MAST3: variants seen among roughly 807,000 people sequenced by gnomAD.
MAST3 encodes the protein microtubule-associated serine/threonine-protein kinase 3.
A neutral mutation model predicts 127.0 loss-of-function variants in MAST3; 43 were observed. The ratio of observed to expected loss-of-function variants is 0.34; its 90% CI spans 0.27 to 0.44. The LOEUF (loss-of-function observed/expected upper bound fraction) is 0.44. MAST3 is among the 20% of genes least tolerant of loss of function. The pLI is 1.00. For synonymous variants in MAST3, 785 were observed against 809.2 expected, an observed-to-expected ratio of 0.97 and a Z score of 0.51; for missense variants, 1,390 against 1,919.1, an observed-to-expected ratio of 0.72 and a Z score of 5.15.
intron 1 of MAST3, among the ~76,000 whole-genome samples, chr19:18,100,837 A>G (rs1228154709): frequency 6.6e-6 from 1 of 152,128 alleles, no homozygotes. Context: ...AGCCAATCAG[A>G]TTTCCTGGAG....
intron 5 of MAST3, chr19:18,122,133 T>A: frequency 2.0e-6 from 2 of 983,336 alleles, no homozygotes; most frequent in Non-Finnish European, 2.4e-6. Context: ...GACAGGTAAT[T>A]TCAACCAGCC....
chr19:18,118,069 C>CT, intron 3 of MAST3: 2 of 984,660 alleles, frequency 2.0e-6, no homozygotes, highest in Non-Finnish European at 2.4e-6. Context: ...GTGCGCCCCC[C>CT]TCCCTGTCCG....
chr19:18,130,698 G>A lies in MAST3; in HGVS notation c.1428G>A (p.Val476=). The A allele has an allele frequency of 1.9e-6, 3 of 1,613,354 alleles. No individual in the cohort carries two copies. Among genetic ancestry groups the A allele is most frequent in the Non-Finnish European group, 2.5e-6 (3 of 1,179,640 alleles). The change falls in exon 14 of 28, where the codon GTG becomes GTA. Residue 476 remains valine, a synonymous_variant. Transcript: ENST00000687212. ...RRHLCMVMEY[V]EGGDCATLLK... ...ACCTATGTATGGTCATGGAATACGT[G>A]GAAGGTACGCTCACTGGGGCTTGCA...
chr19:18,108,280 ACT>A (rs1401221537), intron 2 of MAST3, among the ~76,000 whole-genome samples: 2 of 151,358 alleles, frequency 1.3e-5, no homozygotes, highest in African/African-American at 2.4e-5. Flanking sequence ...ACAGAGTGAG[ACT>A]CTGTCTAAAA....
chr19:18,110,170 GC>G lies in MAST3; in HGVS notation c.72-477del, dbSNP rs2038422282. On this transcript the variant is annotated intron_variant, in intron 2 of 27. Coordinates refer to ENST00000687212, the MANE Select transcript of MAST3 (RefSeq NM_001393504.1). The surrounding 1 kb of genome is among the most constrained non-coding windows in gnomAD (Gnocchi z 4.3). ...AGCCAGCCCGGCCCCCAGCGGCCCA[GC>G]CCCCGCGTCTAGTCTGCCGCACCAG... is the stretch of plus-strand genomic sequence containing the variant. 4.1e-6 allele frequency: 4 copies of G among 985,284 alleles called. No individual in the cohort carries two copies. The highest frequency in any genetic ancestry group is 4.8e-6 in the Non-Finnish European group (4 of 829,944). The allele number at this position is 985,284 out of a possible 1,614,324, so 61.0% of individuals were successfully genotyped here. A position where few individuals can be genotyped will look rare whatever the true frequency, so the allele number is the denominator to read the frequency against.
intron 2 of MAST3, among the ~76,000 whole-genome samples, chr19:18,108,751 G>T (rs1221233161): frequency 6.6e-6 from 1 of 152,168 alleles, no homozygotes; most frequent in Non-Finnish European, 1.5e-5. Flanking sequence ...GAAACCAAAG[G>T]CCGGGGTGGG....
chr19:18,103,241 T>TA (rs2037796263), intron 1 of MAST3, among the ~76,000 whole-genome samples: 2 of 152,006 alleles, frequency 1.3e-5, no homozygotes, highest in South Asian at 2.1e-4. Context: ...TCTGCCACTT[T>TA]AAAAAAACAT....
In MAST3 at chr19:18,145,605, A is replaced by G; in HGVS notation, c.3040-138A>G. 1 of 916,562 alleles carries G rather than the reference A, an allele frequency of 1.1e-6. No homozygotes were observed. Among genetic ancestry groups the G allele is most frequent in the Non-Finnish European group, 1.4e-6 (1 of 692,028 alleles). 56.8% of individuals were successfully genotyped at this position (916,562 alleles called of 1,614,324 possible). ...GCTGGGGCTTTGATGGGTGAGTAGG[A>G]GTTCCCCCAGGATCAGGGAAACTGA... On this transcript the variant is annotated intron_variant, in intron 24 of 27. Coordinates refer to ENST00000687212, the MANE Select transcript of MAST3 (RefSeq NM_001393504.1). This position sits in a 1 kb window ranked among gnomAD's most constrained non-coding sequence, Gnocchi z 5.9.
intron 13 of MAST3, among the ~76,000 whole-genome samples, 162 bp from the exon 14 acceptor site, chr19:18,130,332 G>A (rs1053158846): frequency 6.6e-6 from 1 of 152,246 alleles, no homozygotes; most frequent in Non-Finnish European, 1.5e-5. Flanking sequence ...ACCCAAAGGT[G>A]GCTGCTCTGG....
chr19:18,118,082 T>A (rs1439308214), intron 3 of MAST3: 8 of 985,028 alleles, frequency 8.1e-6, no homozygotes, highest in Non-Finnish European at 8.4e-6. Flanking sequence ...CCTGTCCGGC[T>A]CCGCGGGGCT....
chr19:18,121,560 G>A lies in MAST3; in HGVS notation c.162-125G>A, dbSNP rs1055979446. 1.4e-5 allele frequency: 11 copies of A among 804,544 alleles called. 1 individual carries two copies. The Admixed American group carries it at 1.7e-4, about 13-fold the overall frequency. 49.8% of individuals were successfully genotyped at this position (804,544 alleles called of 1,614,324 possible). A position where few individuals can be genotyped will look rare whatever the true frequency, so the allele number is the denominator to read the frequency against. On this transcript the variant is annotated intron_variant, in intron 3 of 27. Transcript: ENST00000687212. ...GGGGGAACCCAGCTGGGGGCAGAGT[G>A]GGAGTGGCCATGTCCAACATCCCAT... is the stretch of plus-strand genomic sequence containing the variant.
At position 18,130,489 on chromosome 19, in the gene MAST3, C is replaced by A; in HGVS notation, c.1224-5C>A. On this transcript the variant is annotated splice_region_variant and splice_polypyrimidine_tract_variant and intron_variant, in intron 13 of 27. Transcript: ENST00000687212. ...GTCCCAGCAAGCCTGGCCCTCTGTCCCCAGGGCCGTCTACCTGGTGCGGCA... is the reference window on the plus strand; with the variant it reads ...GTCCCAGCAAGCCTGGCCCTCTGTCACCAGGGCCGTCTACCTGGTGCGGCA... The A allele has an allele frequency of 6.3e-7, 1 of 1,588,928 alleles. No individual in the cohort carries two copies. Among genetic ancestry groups the A allele is most frequent in the Non-Finnish European group, 8.6e-7 (1 of 1,167,368 alleles).
At chr19:18,109,080 C>G (rs2038296700) in intron 2 of MAST3, among the ~76,000 whole-genome samples, 1 of 152,110 alleles carries the variant, frequency 6.6e-6, no homozygotes, top group South Asian at 2.1e-4. Flanking sequence ...GAGGAGCTGG[C>G]AGCGGGGAAG....
At chr19:18,118,079 G>A in intron 3 of MAST3, 1 of 985,194 alleles carries the variant, frequency 1.0e-6, no homozygotes, top group South Asian at 4.7e-5. Flanking sequence ...CTCCCTGTCC[G>A]GCTCCGCGGG....
Position 18,123,988 on chromosome 19 carries a change from C to G in MAST3, c.683C>G (p.Ala228Gly). The part of the protein sequence containing the change: ...GRLQEFLTAY[A>G]PGARLALADG... Reference sequence around the variant, plus strand: ...CTGCAGGAGTTCCTGACGGCCTACGCGCCCGGCGCCCGGCTGGCGCTGGCT... The same window carrying G: ...CTGCAGGAGTTCCTGACGGCCTACGGGCCCGGCGCCCGGCTGGCGCTGGCT... The change falls in exon 9 of 28, where the codon GCG becomes GGG. Residue 228 changes from alanine (A) to glycine (G), a missense_variant. Physicochemically the swap from Ala to Gly is moderately conservative, Grantham distance 60 (BLOSUM62 0). Around this residue, in one of 5 missense-constraint regions of MAST3, gnomAD observed 277 missense variants for 384.8 expected, o/e 0.72. Transcript: ENST00000687212. 12 of 1,589,250 alleles carry G rather than the reference C, an allele frequency of 7.6e-6. No individual in the cohort carries two copies. The highest frequency in any genetic ancestry group is 1.0e-5 in the Non-Finnish European group (12 of 1,169,560).
intron 1 of MAST3, 117 bp downstream of exon 1, chr19:18,097,948 G>A (rs1307091310): frequency 1.2e-6 from 1 of 809,502 alleles, no homozygotes; most frequent in Admixed American, 4.5e-5. Context: ...GGCAGAGGGT[G>A]GGGAACGCTC....
intron 10 of MAST3, 32 bp from the exon 11 acceptor site, chr19:18,124,610 G>A: frequency 2.6e-6 from 4 of 1,536,850 alleles, no homozygotes; most frequent in Non-Finnish European, 3.5e-6. Flanking sequence ...GTGGAACCAA[G>A]CCCTGGGTGA....
At chr19:18,147,891 C>T (rs11086093) in intron 27 of MAST3, among the ~76,000 whole-genome samples, 19,302 of 152,204 alleles carry the variant, frequency 0.13, 1,435 homozygotes, top group Middle Eastern at 0.17. Context: ...CACGGAGGCT[C>T]ACGCCTGTAA....
At chr19:18,128,502 C>G in intron 12 of MAST3, 44 bp downstream of exon 12, 1 of 1,524,080 alleles carries the variant, frequency 6.6e-7, no homozygotes, top group Non-Finnish European at 8.9e-7. Flanking sequence ...CTTGTTCTTT[C>G]CAGAGTGGAC....
Sources: allele counts gnomAD v4.1 joint callset (sites outside exome capture counted in the v4.1 genomes callset), GRCh38; gene constraint gnomAD v4.1.1; regional missense constraint gnomAD v4.1.1; non-coding constraint Gnocchi (gnomAD v3.1); transcripts MANE v1.5; gene names NCBI Gene and HGNC (gene_info 2026-07-23, HGNC 2026-07-21).